Variants in RETREG1 observed in about 807,000 individuals in gnomAD.
RETREG1 encodes reticulophagy regulator 1.
RETREG1 carries 44 observed loss-of-function variants against 54.8 expected under a neutral mutation model. That is an observed-to-expected ratio of 0.80 (90% CI 0.63 to 1.03). RETREG1 has a LOEUF of 1.03. Ranked by LOEUF, RETREG1 falls within the 50% of genes least tolerant of loss-of-function variation. The pLI, the probability that RETREG1 is intolerant of heterozygous loss-of-function variation, is 0.00. For synonymous variants in RETREG1, 217 were observed against 238.5 expected (o/e 0.91, Z 0.83); for missense variants, 554 against 605.1 (o/e 0.92, Z 0.89).
intron 3 of RETREG1, among the ~76,000 whole-genome samples, chr5:16,552,841 C>A (rs1208508360): frequency 6.6e-6 from 1 of 152,204 alleles, no homozygotes. Context: ...ACTAATCACA[C>A]TTTGGAGCCA....
chr5:16,603,515 G>A (rs1043059107), intron 1 of RETREG1, among the ~76,000 whole-genome samples: 1 of 152,188 alleles, frequency 6.6e-6, no homozygotes, highest in Non-Finnish European at 1.5e-5. Flanking sequence ...ACAGAGCAGG[G>A]AACAGAGATG....
chr5:16,580,200 C>A (rs181149663), intron 1 of RETREG1, among the ~76,000 whole-genome samples: 1 of 152,178 alleles, frequency 6.6e-6, no homozygotes, highest in Non-Finnish European at 1.5e-5. Context: ...TCTATCTGGA[C>A]GTCATCAGTC....
chr5:16,511,370 C>CTGAT (rs1208531453), intron 3 of RETREG1, among the ~76,000 whole-genome samples: 2 of 152,114 alleles, frequency 1.3e-5, no homozygotes, highest in African/African-American at 2.4e-5. Context: ...CAACCATAGG[C>CTGAT]TGATGTAAGT....
intron 1 of RETREG1, among the ~76,000 whole-genome samples, chr5:16,608,424 G>A (rs762765296): frequency 2.3e-4 from 35 of 152,072 alleles, no homozygotes; most frequent in African/African-American, 7.0e-4. Context: ...CATGGAAATC[G>A]CTCACCATTA....
intron 3 of RETREG1, among the ~76,000 whole-genome samples, chr5:16,500,635 T>C (rs1310759555): frequency 2.6e-5 from 4 of 152,142 alleles, no homozygotes; most frequent in Non-Finnish European, 5.9e-5. Context: ...AAAAGACATA[T>C]GGATGTCCTG....
chr5:16,482,955 CA>C (rs1166468083), intron 4 of RETREG1: 1 of 163,926 alleles, frequency 6.1e-6, no homozygotes, highest in Non-Finnish European at 1.3e-5. Flanking sequence ...AAATAAGATT[CA>C]GTTATCTCCA....
At chr5:16,579,869 G>C (rs1742435956) in intron 1 of RETREG1, among the ~76,000 whole-genome samples, 1 of 152,112 alleles carries the variant, frequency 6.6e-6, no homozygotes, top group Non-Finnish European at 1.5e-5. Flanking sequence ...GGACACCTTG[G>C]TTGCTTCCAA....
At chr5:16,562,673 A>G (rs1218576603) in intron 3 of RETREG1, among the ~76,000 whole-genome samples, 4 of 152,208 alleles carry the variant, frequency 2.6e-5, no homozygotes, top group East Asian at 1.9e-4. Flanking sequence ...CCAAAAACAC[A>G]TACCCCCAAT....
At chr5:16,495,342 G>A (rs183815155) in intron 3 of RETREG1, among the ~76,000 whole-genome samples, 6 of 152,178 alleles carry the variant, frequency 3.9e-5, no homozygotes, top group Admixed American at 3.9e-4. Flanking sequence ...AAGTAAAAAG[G>A]AGCCAAGTGC....
intron 3 of RETREG1, among the ~76,000 whole-genome samples, chr5:16,540,773 A>T (rs1353092104): frequency 2.6e-5 from 4 of 152,176 alleles, no homozygotes; most frequent in African/African-American, 9.7e-5. Flanking sequence ...CTGAGCACTG[A>T]AGGCAACAAG....
At chr5:16,528,716 G>A (rs139134952) in intron 3 of RETREG1, among the ~76,000 whole-genome samples, 1 of 152,302 alleles carries the variant, frequency 6.6e-6, no homozygotes, top group East Asian at 1.9e-4. Flanking sequence ...CAAAGCACCT[G>A]TCTGAAGAAC....
At position 16,583,192 on chromosome 5, in the gene RETREG1, A is replaced by AT. The variant is rs201207569; in HGVS notation, c.321-11091dup. On this transcript the variant is annotated intron_variant, in intron 1 of 8. Coordinates refer to ENST00000306320, the MANE Select transcript of RETREG1 (RefSeq NM_001034850.3). ...CACTCAGTGGCTAACTACAAAAAATATTTTTTGTCTGAGCACAGTGGCTCA... is the reference window on the plus strand; with the variant it reads ...CACTCAGTGGCTAACTACAAAAAATATTTTTTTGTCTGAGCACAGTGGCTCA... Among the ~76,000 whole-genome samples, 1,336 of 152,156 alleles carry AT rather than the reference A, an allele frequency of 8.8e-3. 10 individuals are homozygous for AT. Among genetic ancestry groups the AT allele is most frequent in the Non-Finnish European group, 0.013 (912 of 68,006 alleles).
intron 3 of RETREG1, among the ~76,000 whole-genome samples, chr5:16,505,380 A>T (rs1739909272): frequency 6.6e-6 from 1 of 151,948 alleles, no homozygotes; most frequent in South Asian, 2.1e-4. Flanking sequence ...CTCAGCCCCT[A>T]TTATCTGAAA....
intron 4 of RETREG1, chr5:16,483,123 A>G (rs187652089): frequency 2.1e-4 from 111 of 532,652 alleles, no homozygotes; most frequent in Middle Eastern, 2.1e-3. Flanking sequence ...ATAAATATAT[A>G]TAAAATGTAA....
At chr5:16,535,527 G>A (rs13161264) in intron 3 of RETREG1, among the ~76,000 whole-genome samples, 38 of 151,840 alleles carry the variant, frequency 2.5e-4, no homozygotes, top group Admixed American at 5.9e-4. Flanking sequence ...GAATTCCTGC[G>A]TGCATGCTGC....
intron 1 of RETREG1, among the ~76,000 whole-genome samples, chr5:16,590,017 G>C (rs1742718321): frequency 6.6e-6 from 1 of 152,202 alleles, no homozygotes; most frequent in Non-Finnish European, 1.5e-5. Context: ...TCATGTCCAA[G>C]TGCACAAGCA....
intron 3 of RETREG1, among the ~76,000 whole-genome samples, chr5:16,507,379 C>T (rs1444197965): frequency 3.9e-5 from 6 of 152,166 alleles, no homozygotes; most frequent in Non-Finnish European, 5.9e-5. Flanking sequence ...GTTAAAATGT[C>T]ATGAAGGGGA....
At chr5:16,488,087 T>C (rs1012271162) in intron 3 of RETREG1, among the ~76,000 whole-genome samples, 1 of 152,190 alleles carries the variant, frequency 6.6e-6, no homozygotes, top group Non-Finnish European at 1.5e-5. Context: ...TCCTAGATGA[T>C]GCTGAGGCAG....
chr5:16,600,061 C>T (rs766978352), intron 1 of RETREG1, among the ~76,000 whole-genome samples: 4 of 152,248 alleles, frequency 2.6e-5, no homozygotes, highest in Non-Finnish European at 4.4e-5. Flanking sequence ...AGTGCAGTGG[C>T]GTGACCTCGG....
Sources: allele counts gnomAD v4.1 joint callset (sites outside exome capture counted in the v4.1 genomes callset), GRCh38; gene constraint gnomAD v4.1.1; transcripts MANE v1.5; gene names NCBI Gene and HGNC (gene_info 2026-07-23, HGNC 2026-07-21).